Variants in SCAP observed in about 807,000 individuals in gnomAD.
The protein encoded by SCAP is SREBF chaperone, also known as sterol regulatory element-binding protein cleavage-activating protein.
In SCAP, 65 loss-of-function variants were observed where a neutral mutation model predicts 123.6. The observed-to-expected ratio is 0.53, with a 90% confidence interval of 0.43 to 0.65. The LOEUF (loss-of-function observed/expected upper bound fraction) is 0.65, where lower values mean the gene tolerates loss of function less well. Ranked by LOEUF, SCAP falls within the 30% of genes least tolerant of loss-of-function variation. The probability of loss-of-function intolerance (pLI) is 0.00; values close to 1 mark genes in which losing one functional copy is unlikely to be tolerated. For missense variants in SCAP, 1,398 were observed against 1,712.5 expected (o/e 0.82, Z 3.24); for synonymous variants, 740 against 726.3 (o/e 1.02, Z -0.30).
In SCAP at chr3:47,428,550, G is replaced by A. The variant is rs779479390; in HGVS notation, c.373C>T (p.Leu125=). 1 of 1,614,168 alleles carries A rather than the reference G, an allele frequency of 6.2e-7. No individual in the cohort carries two copies. The highest frequency in any genetic ancestry group is 8.5e-7 in the Non-Finnish European group (1 of 1,180,024). ...FRSPLSRAFQ[L]VEEIRNHVLR... ...ACGTGGTTCCGGATCTCCTCCACCAGTTGGAATGCCCGGGACAAAGGTGAA... is the reference window on the plus strand; with the variant it reads ...ACGTGGTTCCGGATCTCCTCCACCAATTGGAATGCCCGGGACAAAGGTGAA... The change falls in exon 4 of 23, where the codon CTG becomes TTG. Residue 125 remains leucine (L), a synonymous_variant. Transcript: ENST00000265565.
chr3:47,467,049 T>C (rs1707853300), intron 1 of SCAP, among the ~76,000 whole-genome samples: 1 of 150,986 alleles, frequency 6.6e-6, no homozygotes, highest in Admixed American at 6.6e-5. Flanking sequence ...GCCAACACTG[T>C]AGCACTGCAC....
At chr3:47,426,275 T>C in intron 6 of SCAP, 106 bp from the exon 7 acceptor site, 1 of 1,156,890 alleles carries the variant, frequency 8.6e-7, no homozygotes, top group South Asian at 1.5e-5. Context: ...CCTGCCCCTG[T>C]GTTGAAAGGG....
intron 3 of SCAP, among the ~76,000 whole-genome samples, chr3:47,432,831 C>T (rs1216454266): frequency 6.6e-6 from 1 of 152,160 alleles, no homozygotes; most frequent in Non-Finnish European, 1.5e-5. Context: ...CTGCACCCGG[C>T]CCTATTGTCC....
At chr3:47,426,287 ACTTCTCTATGGTGCCTGAG>A in intron 6 of SCAP, 118 bp from the exon 7 acceptor site, 1 of 1,020,870 alleles carries the variant, frequency 9.8e-7, no homozygotes, top group South Asian at 1.6e-5. Flanking sequence ...TTGAAAGGGA[ACTTCTCTATGGTGCCTGAG>A]CTTCTCTATA....
Position 47,418,206 on chromosome 3 carries a change from C to T in SCAP, c.2375G>A (p.Cys792Tyr). The T allele has an allele frequency of 6.4e-7, 1 of 1,574,784 alleles. No individual in the cohort carries two copies. The highest frequency in any genetic ancestry group is 2.3e-5 in the East Asian group (1 of 42,720). The change falls in exon 16 of 23, where the codon TGC (cysteine) becomes TAC (tyrosine). Residue 792 changes from cysteine (C) to tyrosine (Y), a missense_variant. By Grantham distance (194) the Cys-to-Tyr change is radical. Transcript: ENST00000265565. The part of the protein sequence containing the change: ...LASDGMLLVS[C>Y]CLAGHVCVWD... ...CACGCAGACGTGGCCTGCCAGGCAGCAGCTCACCAGCAGCATGCCGTCGCT... is the reference window on the plus strand; with the variant it reads ...CACGCAGACGTGGCCTGCCAGGCAGTAGCTCACCAGCAGCATGCCGTCGCT...
intron 16 of SCAP, 35 bp downstream of exon 16, chr3:47,418,098 TG>T (rs1234257532): frequency 1.5e-6 from 2 of 1,318,404 alleles, no homozygotes; most frequent in Non-Finnish European, 2.0e-6. Flanking sequence ...AGGGGGGTTG[TG>T]GGGGCACAAA....
intron 1 of SCAP, among the ~76,000 whole-genome samples, chr3:47,447,920 G>A (rs768583561): frequency 8.9e-5 from 12 of 134,436 alleles, no homozygotes; most frequent in Non-Finnish European, 1.8e-4. Context: ...CAGGAGAATC[G>A]CTTGAACCCA....
intron 1 of SCAP, among the ~76,000 whole-genome samples, chr3:47,444,478 C>G (rs756515660): frequency 6.6e-6 from 1 of 152,098 alleles, no homozygotes; most frequent in East Asian, 1.9e-4. Flanking sequence ...ATCCAGGAAC[C>G]CTTTATTTTT....
In SCAP at chr3:47,414,632, C is replaced by CT. The variant is rs1453683769; in HGVS notation, c.3326_3327insA (p.Cys1110ValfsTer19). 6.2e-7 allele frequency: 1 copy of CT among 1,613,212 alleles called. No homozygotes were observed. Among genetic ancestry groups the CT allele is most frequent in the African/African-American group, 1.3e-5 (1 of 74,940 alleles). Reference sequence around the variant, plus strand: ...GGCCCTGAAGGGTGAAGAGGCAGCACGAGTCCTCCAGACGGAACACCTGGG... The same window carrying CT: ...GGCCCTGAAGGGTGAAGAGGCAGCACTGAGTCCTCCAGACGGAACACCTGGG... On this transcript the variant is annotated frameshift_variant, in exon 21 of 23. Transcript: ENST00000265565. LOFTEE classifies it high-confidence loss of function.
chr3:47,430,448 G>C (rs1403842082), intron 3 of SCAP, among the ~76,000 whole-genome samples: 1 of 152,212 alleles, frequency 6.6e-6, no homozygotes, highest in Admixed American at 6.5e-5. Flanking sequence ...AAGCTGAGTA[G>C]AGCCATAAGG....
intron 1 of SCAP, among the ~76,000 whole-genome samples, chr3:47,465,841 CA>C (rs79594451): frequency 0.35 from 50,881 of 146,288 alleles, 8,856 homozygotes; most frequent in Middle Eastern, 0.44. Flanking sequence ...TTTAAAAAAA[CA>C]AAAAAAAAAA....
chr3:47,435,574 G>A (rs187937418), intron 2 of SCAP, among the ~76,000 whole-genome samples: 24 of 150,950 alleles, frequency 1.6e-4, no homozygotes, highest in African/African-American at 4.4e-4. Context: ...TAGTGGAGAC[G>A]GGGTTTCATC....
chr3:47,435,854 GC>G (rs1706559211), intron 2 of SCAP, among the ~76,000 whole-genome samples: 1 of 152,090 alleles, frequency 6.6e-6, no homozygotes, highest in African/African-American at 2.4e-5. Flanking sequence ...TTTGAGACCA[GC>G]CTGGACAACA....
At chr3:47,474,412 A>G (rs1708188690) in intron 1 of SCAP, among the ~76,000 whole-genome samples, 1 of 152,236 alleles carries the variant, frequency 6.6e-6, no homozygotes. Context: ...ATATATTTAT[A>G]TAGTGTTTTT....
At chr3:47,453,912 C>T (rs902443066) in intron 1 of SCAP, among the ~76,000 whole-genome samples, 5 of 152,146 alleles carry the variant, frequency 3.3e-5, no homozygotes, top group Non-Finnish European at 5.9e-5. Flanking sequence ...AGATAAAATG[C>T]TATTTCCTCC....
intron 1 of SCAP, among the ~76,000 whole-genome samples, chr3:47,472,710 C>T (rs1430978685): frequency 1.4e-4 from 22 of 152,094 alleles, no homozygotes; most frequent in Admixed American, 1.4e-3. Flanking sequence ...CATCCCCACA[C>T]TAGAGTCAGT....
Position 47,413,915 on chromosome 3 carries a change from C to T in SCAP, c.3779G>A (p.Cys1260Tyr). ...CAGGCTGAGCTCACTGCCAAAGTTG[C>T]AGACAATGGCAGCGTTGTCCAGCAC... ...ILVLDNAAIV[C>Y]NFGSELSLVY... The change falls in exon 23 of 23, where the codon TGC becomes TAC. Residue 1260 changes from cysteine to tyrosine, a missense_variant. Around this residue, in one of 7 missense-constraint regions of SCAP, gnomAD observed 130 missense variants for 166.7 expected, o/e 0.78. Coordinates refer to ENST00000265565, the MANE Select transcript of SCAP (RefSeq NM_012235.4). 1 of 1,613,282 alleles carries T rather than the reference C, an allele frequency of 6.2e-7. No homozygotes were observed. Among genetic ancestry groups the T allele is most frequent in the Non-Finnish European group, 8.5e-7 (1 of 1,180,026 alleles).
At chr3:47,435,835 G>T (rs1201782787) in intron 2 of SCAP, among the ~76,000 whole-genome samples, 2 of 152,114 alleles carry the variant, frequency 1.3e-5, no homozygotes, top group African/African-American at 4.8e-5. Context: ...GGCTGCTTGA[G>T]CCCAGAAGTT....
chr3:47,459,838 G>A (rs994107200), intron 1 of SCAP, among the ~76,000 whole-genome samples: 3 of 152,168 alleles, frequency 2.0e-5, no homozygotes, highest in East Asian at 1.9e-4. Flanking sequence ...AAATTTACCA[G>A]GGCGGAGTTT....
Sources: allele counts gnomAD v4.1 joint callset (sites outside exome capture counted in the v4.1 genomes callset), GRCh38; gene constraint gnomAD v4.1.1; regional missense constraint gnomAD v4.1.1; transcripts MANE v1.5; gene names NCBI Gene and HGNC (gene_info 2026-07-23, HGNC 2026-07-21).